NFKBIZ: variants seen among roughly 807,000 people sequenced by gnomAD.
The protein encoded by NFKBIZ is NFKB inhibitor zeta.
Under a neutral mutation model 76.8 loss-of-function variants are expected in NFKBIZ, and 19 were observed. The ratio of observed to expected loss-of-function variants is 0.25; its 90% CI spans 0.17 to 0.36. NFKBIZ has a LOEUF of 0.36. NFKBIZ is among the 10% of genes least tolerant of loss of function. NFKBIZ has a pLI of 1.00. For missense variants in NFKBIZ, 829 were observed against 910.9 expected (o/e 0.91, Z 1.16); for synonymous variants, 368 against 354.8 (o/e 1.04, Z -0.42).
chr3:101,849,573 C>G lies in NFKBIZ; in HGVS notation c.-56C>G. Reference sequence around the variant, plus strand: ...CCTGAGCCAGCCCGGGAGGCAGCCGCGCGCAGCGAGCCGGTGGCGCAGGTG... The same window carrying G: ...CCTGAGCCAGCCCGGGAGGCAGCCGGGCGCAGCGAGCCGGTGGCGCAGGTG... On this transcript the variant is annotated 5_prime_UTR_variant, in exon 1 of 12. Coordinates refer to ENST00000326172, the MANE Select transcript of NFKBIZ (RefSeq NM_031419.4). The G allele has an allele frequency of 7.8e-7, 1 of 1,288,968 alleles. No individual in the cohort carries two copies. Among genetic ancestry groups the G allele is most frequent in the Non-Finnish European group, 9.8e-7 (1 of 1,018,764 alleles). 79.8% of individuals were successfully genotyped at this position (1,288,968 alleles called of 1,614,324 possible). A position where few individuals can be genotyped will look rare whatever the true frequency, so the allele number is the denominator to read the frequency against.
At position 101,849,928 on chromosome 3, in the gene NFKBIZ, G is replaced by A. The variant is rs1476261319; in HGVS notation, c.289+11G>A. The stretch of plus-strand genomic sequence containing the variant: ...CCGAGCGCCAGCCAGGTACCCGCCG[G>A]CCCCGCACCGCTGCGTACTCGGGGC... On this transcript the variant is annotated intron_variant, in intron 1 of 11. Transcript: ENST00000326172. 54 of 1,383,760 alleles carry A rather than the reference G, an allele frequency of 3.9e-5. No individual in the cohort carries two copies. Among genetic ancestry groups the A allele is most frequent in the Non-Finnish European group, 4.7e-5 (51 of 1,077,034 alleles). The allele number at this position is 1,383,760 out of a possible 1,614,324, so 85.7% of individuals were successfully genotyped here.
intron 2 of NFKBIZ, among the ~76,000 whole-genome samples, chr3:101,832,187 C>T (rs1942656031): frequency 1.3e-5 from 2 of 152,112 alleles, no homozygotes; most frequent in Admixed American, 1.3e-4. Flanking sequence ...GATCTTCCCA[C>T]CTTGGACCCC....
At chr3:101,858,559 T>C (rs1439282006) in intron 11 of NFKBIZ, among the ~76,000 whole-genome samples, 2 of 152,206 alleles carry the variant, frequency 1.3e-5, no homozygotes, top group African/African-American at 4.8e-5. Context: ...TGTTCCCAGA[T>C]TATCTCCTTT....
At chr3:101,828,959 G>A (rs1282386838) in intron 1 of NFKBIZ, among the ~76,000 whole-genome samples, 5 of 152,174 alleles carry the variant, frequency 3.3e-5, no homozygotes, top group Non-Finnish European at 7.3e-5. Context: ...ATATCTGGCT[G>A]GGTGGAATAT....
Position 101,861,005 on chromosome 3 carries a change from TAAAC to T in NFKBIZ, c.*1635_*1638del, listed in dbSNP as rs1476744094. On this transcript the variant is annotated 3_prime_UTR_variant, in exon 12 of 12. Coordinates refer to ENST00000326172, the MANE Select transcript of NFKBIZ (RefSeq NM_031419.4). ...CATTGGAAAAACTGATGGTTTTAAA[TAAAC>T]TAATTCACTAATATTATTTGTCTTA... 4 of 152,190 alleles carry T rather than the reference TAAAC, an allele frequency of 2.6e-5. No homozygotes were observed. Among genetic ancestry groups the T allele is most frequent in the Non-Finnish European group, 5.9e-5 (4 of 68,032 alleles). The allele number at this position is 152,190 out of a possible 1,614,324, so 9.4% of individuals were successfully genotyped here.
chr3:101,831,962 A>T (rs748939692), intron 2 of NFKBIZ, among the ~76,000 whole-genome samples: 1 of 152,008 alleles, frequency 6.6e-6, no homozygotes, highest in Non-Finnish European at 1.5e-5. Context: ...GTGCAGTGGC[A>T]TGGTGGCATG....
At chr3:101,833,616 A>G (rs1486300817) in intron 2 of NFKBIZ, among the ~76,000 whole-genome samples, 1 of 152,156 alleles carries the variant, frequency 6.6e-6, no homozygotes, top group African/African-American at 2.4e-5. Context: ...TGCCAAATTT[A>G]CCCTTGGCAT....
intron 2 of NFKBIZ, among the ~76,000 whole-genome samples, chr3:101,834,706 G>A (rs1942692712): frequency 6.6e-6 from 1 of 152,188 alleles, no homozygotes; most frequent in African/African-American, 2.4e-5. Flanking sequence ...TAGATTAAAT[G>A]TGTGAAATCT....
upstream of NFKBIZ, among the ~76,000 whole-genome samples, chr3:101,846,846 C>G (rs1394026512): frequency 1.3e-5 from 2 of 152,150 alleles, no homozygotes; most frequent in Non-Finnish European, 2.9e-5. Context: ...TTATGCAGGC[C>G]AACAAGTCCC....
At chr3:101,858,322 A>G (rs1943081718) in intron 11 of NFKBIZ, 15 of 966,546 alleles carry the variant, frequency 1.6e-5, no homozygotes, top group Non-Finnish European at 1.7e-5. Context: ...GTTTGTAAAA[A>G]GTTTTCATGT....
At chr3:101,850,880 T>G (rs182802007) in intron 1 of NFKBIZ, among the ~76,000 whole-genome samples, 1 of 152,374 alleles carries the variant, frequency 6.6e-6, no homozygotes, top group East Asian at 1.9e-4. Context: ...GGACCTTTTC[T>G]TACCCACTTG....
chr3:101,849,820 C>G lies in NFKBIZ; in HGVS notation c.192C>G (p.Gly64=). 4 of 1,472,848 alleles carry G rather than the reference C, an allele frequency of 2.7e-6. No individual in the cohort carries two copies. The South Asian group carries it at 5.2e-5, about 19-fold the overall frequency. The allele number at this position is 1,472,848 out of a possible 1,614,324, so 91.2% of individuals were successfully genotyped here. A position where few individuals can be genotyped will look rare whatever the true frequency, so the allele number is the denominator to read the frequency against. The part of the protein sequence containing the change: ...VLGPSAPGSP[G]SDSSDFSSAS... The stretch of plus-strand genomic sequence containing the variant: ...GCCCCTCGGCGCCCGGCTCGCCCGG[C>G]TCCGACTCCTCCGACTTCTCCTCTG... The change falls in exon 1 of 12, where the codon GGC becomes GGG. Residue 64 remains glycine (G), a synonymous_variant. Transcript: ENST00000326172.
intron 9 of NFKBIZ, among the ~76,000 whole-genome samples, chr3:101,856,352 G>A (rs1480236038): frequency 6.6e-6 from 1 of 152,196 alleles, no homozygotes. Context: ...GCCCGGCCAA[G>A]AAGCCCAGAT....
chr3:101,843,585 A>G (rs1172266324), intron 2 of NFKBIZ, among the ~76,000 whole-genome samples: 1 of 152,258 alleles, frequency 6.6e-6, no homozygotes, highest in Non-Finnish European at 1.5e-5. Flanking sequence ...TTAATATTAT[A>G]CCAAAACAAG....
upstream of NFKBIZ, among the ~76,000 whole-genome samples, chr3:101,847,542 T>C (rs925276916): frequency 6.6e-6 from 1 of 152,208 alleles, no homozygotes; most frequent in African/African-American, 2.4e-5. Flanking sequence ...CAAACCTAGA[T>C]AGTCTAGCCT....
intron 2 of NFKBIZ, among the ~76,000 whole-genome samples, chr3:101,839,154 C>T (rs1196709108): frequency 6.6e-6 from 1 of 152,126 alleles, no homozygotes; most frequent in Non-Finnish European, 1.5e-5. Flanking sequence ...GCACACACTA[C>T]TGTCCTTGTT....
At position 101,857,065 on chromosome 3, in the gene NFKBIZ, T is replaced by C. The variant is rs752715288; in HGVS notation, c.1825-8T>C. 14 of 1,597,960 alleles carry C rather than the reference T, an allele frequency of 8.8e-6. No individual in the cohort carries two copies. Among genetic ancestry groups the C allele is most frequent in the Non-Finnish European group, 1.1e-5 (13 of 1,169,954 alleles). On this transcript the variant is annotated splice_region_variant and splice_polypyrimidine_tract_variant and intron_variant, in intron 9 of 11. Coordinates refer to ENST00000326172, the MANE Select transcript of NFKBIZ (RefSeq NM_031419.4). ...TTTTTTTTTTTCCTCCCTCTTGCCT[T>C]TGACAAGGATCGCAAAAGTGGCCGC... is the stretch of plus-strand genomic sequence containing the variant.
intron 2 of NFKBIZ, among the ~76,000 whole-genome samples, chr3:101,843,113 A>G (rs1942809579): frequency 6.6e-6 from 1 of 151,298 alleles, no homozygotes; most frequent in Non-Finnish European, 1.5e-5. Context: ...TACAGAAGAC[A>G]GATTTTCATA....
Position 101,854,571 on chromosome 3 carries a change from T to G in NFKBIZ, c.1338-7T>G, listed in dbSNP as rs201770937. On this transcript the variant is annotated splice_polypyrimidine_tract_variant and splice_region_variant and intron_variant, in intron 5 of 11. Transcript: ENST00000326172. ...GATTCACCCGCTTTCCTTTCCATGT[T>G]CCCCAGGTTCCTTCATATTGCTGTT... is the stretch of plus-strand genomic sequence containing the variant. The G allele has an allele frequency of 6.3e-7, 1 of 1,589,414 alleles. No individual in the cohort carries two copies. The highest frequency in any genetic ancestry group is 8.6e-7 in the Non-Finnish European group (1 of 1,159,838).
Sources: gnomAD v4.1 joint callset for allele counts (sites outside exome capture counted in the v4.1 genomes callset) on GRCh38, gnomAD v4.1.1 for gene constraint, MANE v1.5 for transcripts, NCBI Gene and HGNC (gene_info 2026-07-23, HGNC 2026-07-21) for gene names.